Variants in CSNK2A1 observed in about 807,000 individuals in gnomAD.
CSNK2A1 encodes casein kinase 2 alpha 1, also known as casein kinase II subunit alpha.
Under a neutral mutation model 62.9 loss-of-function variants are expected in CSNK2A1, and 10 were observed. The ratio of observed to expected loss-of-function variants is 0.16; its 90% CI spans 0.10 to 0.27. The LOEUF is 0.27. Ranked by LOEUF, CSNK2A1 falls within the 10% of genes least tolerant of loss-of-function variation. CSNK2A1 has a pLI of 1.00. For synonymous variants in CSNK2A1, 124 were observed against 167.8 expected, an observed-to-expected ratio of 0.74 and a Z score of 2.02; for missense variants, 160 against 492.0, an observed-to-expected ratio of 0.33 and a Z score of 6.38.
chr20:477,965 A>T lies in CSNK2A1; in HGVS notation c.*5996T>A, dbSNP rs2017881334. The T allele has an allele frequency of 6.6e-6, 1 of 152,080 alleles. No individual in the cohort carries two copies. The highest frequency in any genetic ancestry group is 1.5e-5 in the Non-Finnish European group (1 of 68,000). The allele number at this position is 152,080 out of a possible 1,614,324, so 9.4% of individuals were successfully genotyped here. ...GATGAATTCTGCCTTCCTTTTTGCCACCTTGGGATTTCCATTTCTTTCTCT... is the reference window on the plus strand; with the variant it reads ...GATGAATTCTGCCTTCCTTTTTGCCTCCTTGGGATTTCCATTTCTTTCTCT... On this transcript the variant is annotated 3_prime_UTR_variant, in exon 14 of 14. Transcript: ENST00000217244.
chr20:532,169 C>CTTTT (rs1327080907), intron 1 of CSNK2A1, among the ~76,000 whole-genome samples: 1 of 145,572 alleles, frequency 6.9e-6, no homozygotes. Context: ...AAACTTTTAA[C>CTTTT]TTTTTTTTTT....
At chr20:503,318 T>C (rs1200583326) in intron 4 of CSNK2A1, 1 of 394,744 alleles carries the variant, frequency 2.5e-6, no homozygotes, top group African/African-American at 2.1e-5. Flanking sequence ...CCAACATTCT[T>C]TTTAATAGAT....
chr20:519,268 G>C (rs186336301), intron 2 of CSNK2A1, among the ~76,000 whole-genome samples: 1 of 152,282 alleles, frequency 6.6e-6, no homozygotes, highest in East Asian at 1.9e-4. Flanking sequence ...GGTACTAGCA[G>C]AAAAGAGAAT....
At chr20:485,066 C>CAAAAAAAAAAAAAAAAAAAAA (rs1157352244) in intron 13 of CSNK2A1, among the ~76,000 whole-genome samples, 1 of 22,026 alleles carries the variant, frequency 4.5e-5, no homozygotes, top group Non-Finnish European at 7.5e-5. Context: ...ACCTTGTCTC[C>CAAAAAAAAAAAAAAAAAAAAA]AAAAAAAAAA....
chr20:501,867 A>C (rs1310489957), intron 4 of CSNK2A1: 6 of 152,218 alleles, frequency 3.9e-5, no homozygotes. Context: ...CTAAATCAAA[A>C]TCTTGAGAGG....
At chr20:492,204 T>C in intron 9 of CSNK2A1, 50 bp downstream of exon 9, 3 of 1,503,504 alleles carry the variant, frequency 2.0e-6, no homozygotes, top group South Asian at 1.2e-5. Flanking sequence ...TGGTAAATTA[T>C]GTGCGAAATA....
At chr20:516,119 C>G (rs1448558889) in intron 2 of CSNK2A1, among the ~76,000 whole-genome samples, 2 of 152,204 alleles carry the variant, frequency 1.3e-5, no homozygotes, top group Non-Finnish European at 2.9e-5. Context: ...ATTCTCCTCT[C>G]CACTGTTCAT....
chr20:542,294 G>A (rs1047768638), intron 1 of CSNK2A1, among the ~76,000 whole-genome samples: 3 of 152,208 alleles, frequency 2.0e-5, no homozygotes, highest in Non-Finnish European at 2.9e-5. Context: ...CTGAGGCTTA[G>A]AGAGTTTAGG....
At chr20:498,542 G>C (rs570361172) in intron 6 of CSNK2A1, 1 of 151,966 alleles carries the variant, frequency 6.6e-6, no homozygotes, top group Non-Finnish European at 1.5e-5. Flanking sequence ...AACGTCTTCT[G>C]ACAAAGTTTT....
At position 476,579 on chromosome 20, in the gene CSNK2A1, C is replaced by CT. The variant is rs891365191; in HGVS notation, c.*7381dup. On this transcript the variant is annotated 3_prime_UTR_variant, in exon 14 of 14. Coordinates refer to ENST00000217244, the MANE Select transcript of CSNK2A1 (RefSeq NM_177559.3). ...CGGCACCTAGTGAGTTTTTCTGTTA[C>CT]TTTTTTTTTTGGAGGCGGGGTCTCC... 16 of 148,978 alleles carry CT rather than the reference C, an allele frequency of 1.1e-4. No individual in the cohort carries two copies. The highest frequency in any genetic ancestry group is 2.1e-4 in the South Asian group (1 of 4,702). 9.2% of individuals were successfully genotyped at this position (148,978 alleles called of 1,614,324 possible). A position where few individuals can be genotyped will look rare whatever the true frequency, so the allele number is the denominator to read the frequency against.
rs1363879216 is a variant in CSNK2A1, at chr20:472,808, A to C, written c.*11153T>G. ...AAGAATTTGGCTGCCTTCAGCCATA[A>C]TTTCTTTCTGAAGCTTTTGCAAAAC... On this transcript the variant is annotated 3_prime_UTR_variant, in exon 14 of 14. Coordinates refer to ENST00000217244, the MANE Select transcript of CSNK2A1 (RefSeq NM_177559.3). 1.3e-5 allele frequency: 2 copies of C among 152,160 alleles called. No individual in the cohort carries two copies. The highest frequency in any genetic ancestry group is 2.9e-5 in the Non-Finnish European group (2 of 68,036). 9.4% of individuals were successfully genotyped at this position (152,160 alleles called of 1,614,324 possible).
intron 1 of CSNK2A1, among the ~76,000 whole-genome samples, chr20:534,238 G>C (rs1329246853): frequency 6.6e-6 from 1 of 152,196 alleles, no homozygotes; most frequent in African/African-American, 2.4e-5. Context: ...GCCTAAATAG[G>C]TTCTTTTCAC....
At chr20:521,610 T>C (rs1276929528) in intron 2 of CSNK2A1, among the ~76,000 whole-genome samples, 5 of 152,180 alleles carry the variant, frequency 3.3e-5, no homozygotes, top group South Asian at 2.1e-4. Context: ...TACACAAACA[T>C]TTAAGGCAGC....
rs1028974281 is a variant in CSNK2A1, at chr20:478,544, C to T, written c.*5417G>A. ...AGCTGACTCAGAAATACTCAATCCC[C>T]CCAGGAACTTCTCTAAGAAATGGAC... On this transcript the variant is annotated 3_prime_UTR_variant, in exon 14 of 14. Transcript: ENST00000217244. 1.6e-5 allele frequency: 5 copies of T among 308,436 alleles called. No homozygotes were observed. Among genetic ancestry groups the T allele is most frequent in the South Asian group, 1.2e-4 (5 of 42,796 alleles). The allele number at this position is 308,436 out of a possible 1,614,324, so 19.1% of individuals were successfully genotyped here. A position where few individuals can be genotyped will look rare whatever the true frequency, so the allele number is the denominator to read the frequency against.
chr20:520,494 A>G (rs963736211), intron 2 of CSNK2A1, among the ~76,000 whole-genome samples: 14 of 152,010 alleles, frequency 9.2e-5, no homozygotes, highest in Non-Finnish European at 1.3e-4. Flanking sequence ...ACATATATAT[A>G]TAAATATATT....
intron 2 of CSNK2A1, among the ~76,000 whole-genome samples, 192 bp downstream of exon 2, chr20:527,740 CA>C (rs201775544): frequency 5.1e-5 from 4 of 78,110 alleles, no homozygotes; most frequent in African/African-American, 8.6e-5. Context: ...TGTTTCACCA[CA>C]CTGCCCAGGC....
chr20:518,990 C>T (rs937430601), intron 2 of CSNK2A1, among the ~76,000 whole-genome samples: 1 of 144,832 alleles, frequency 6.9e-6, no homozygotes, highest in African/African-American at 2.6e-5. Flanking sequence ...GGTTAGAGTG[C>T]AGTGGCACGA....
intron 6 of CSNK2A1, chr20:498,282 T>G (rs2018385741): frequency 6.5e-6 from 1 of 152,712 alleles, no homozygotes. Context: ...ACAACTGTTA[T>G]GTATCCTTTC....
At position 499,388 on chromosome 20, in the gene CSNK2A1, G is replaced by A. The variant is rs2018412427; in HGVS notation, c.316-83C>T. 17 of 1,405,092 alleles carry A rather than the reference G, an allele frequency of 1.2e-5. No homozygotes were observed. The highest frequency in any genetic ancestry group is 2.3e-5 in the East Asian group (1 of 42,760). 87.0% of individuals were successfully genotyped at this position (1,405,092 alleles called of 1,614,324 possible). A position where few individuals can be genotyped will look rare whatever the true frequency, so the allele number is the denominator to read the frequency against. ...TGGGGACAATGTTTGCGGATGCTGC[G>A]TGGTGAAATTTGGCAGTCCTCGCCT... On this transcript the variant is annotated intron_variant, in intron 5 of 13. Coordinates refer to ENST00000217244, the MANE Select transcript of CSNK2A1 (RefSeq NM_177559.3). The surrounding 1 kb of genome is among the most constrained non-coding windows in gnomAD (Gnocchi z 4.2).
Sources: allele counts gnomAD v4.1 joint callset (sites outside exome capture counted in the v4.1 genomes callset), GRCh38; gene constraint gnomAD v4.1.1; non-coding constraint Gnocchi (gnomAD v3.1); transcripts MANE v1.5; gene names NCBI Gene and HGNC (gene_info 2026-07-23, HGNC 2026-07-21).